The following SLC24A2 variants were observed in gnomAD, a reference collection of about 807,000 sequenced individuals.
SLC24A2 encodes the protein sodium/potassium/calcium exchanger 2.
In SLC24A2, 36 loss-of-function variants were observed where a neutral mutation model predicts 62.0. That is an observed-to-expected ratio of 0.58 (90% CI 0.44 to 0.77). The LOEUF is 0.77. SLC24A2 is among the 30% of genes least tolerant of loss of function. The pLI, the probability that SLC24A2 is intolerant of heterozygous loss-of-function variation, is 0.00. For missense variants in SLC24A2, 846 were observed against 817.9 expected (o/e 1.03, Z -0.42); for synonymous variants, 358 against 294.0 (o/e 1.22, Z -2.23).
intron 8 of SLC24A2, among the ~76,000 whole-genome samples, chr9:19,531,798 A>G (rs898904475): frequency 2.0e-5 from 3 of 148,574 alleles, no homozygotes; most frequent in African/African-American, 7.5e-5. Flanking sequence ...ATGTGACCTG[A>G]GACAAATTAT....
At chr9:20,255,328 A>T in the SLC24A2 span, among the ~76,000 whole-genome samples, 1 of 152,234 alleles carries the variant, frequency 6.6e-6, no homozygotes, top group Non-Finnish European at 1.5e-5. Flanking sequence ...GGCATTAAAC[A>T]GTGTAGTTTC....
At chr9:19,652,924 CTTCTCTTCCATCCT>C (rs1818841889) in intron 2 of SLC24A2, among the ~76,000 whole-genome samples, 1 of 15,392 alleles carries the variant, frequency 6.5e-5, no homozygotes, top group Admixed American at 8.0e-4. Context: ...TGAGACAAAC[CTTCTCTTCCATCCT>C]GTTTCAACCT....
intron 8 of SLC24A2, among the ~76,000 whole-genome samples, chr9:19,539,699 G>A (rs1305206117): frequency 2.3e-5 from 1 of 42,646 alleles, no homozygotes; most frequent in Admixed American, 2.8e-4. Context: ...GGGGTGGAGA[G>A]TTCTGTAGAT....
the SLC24A2 span, among the ~76,000 whole-genome samples, chr9:20,240,025 C>A: frequency 6.6e-6 from 1 of 152,016 alleles, no homozygotes; most frequent in Non-Finnish European, 1.5e-5. Context: ...AGAGACTAGG[C>A]TAAGCATTTC....
At chr9:19,765,501 A>G (rs1822486681) in intron 2 of SLC24A2, among the ~76,000 whole-genome samples, 1 of 152,182 alleles carries the variant, frequency 6.6e-6, no homozygotes, top group African/African-American at 2.4e-5. Flanking sequence ...GGTGGTGACA[A>G]AATCCCTCAG....
chr9:19,566,309 A>G (rs529372426), intron 7 of SLC24A2, among the ~76,000 whole-genome samples: 3 of 150,346 alleles, frequency 2.0e-5, no homozygotes, highest in African/African-American at 7.3e-5. Context: ...AAGGATATGA[A>G]CAGACACTTC....
chr9:20,166,251 C>G, the SLC24A2 span, among the ~76,000 whole-genome samples: 11 of 151,906 alleles, frequency 7.2e-5, no homozygotes, highest in Non-Finnish European at 1.5e-4. Context: ...GCAATCCCAA[C>G]TCTATAAATC....
the SLC24A2 span, among the ~76,000 whole-genome samples, chr9:19,920,832 G>A: frequency 1.3e-5 from 2 of 152,156 alleles, no homozygotes; most frequent in Non-Finnish European, 2.9e-5. Flanking sequence ...CCGGATGTGA[G>A]AGACAGAAGA....
the SLC24A2 span, among the ~76,000 whole-genome samples, chr9:20,106,694 T>C: frequency 1.5e-4 from 23 of 152,148 alleles, no homozygotes; most frequent in African/African-American, 5.6e-4. Flanking sequence ...TGATGGGACA[T>C]ATCTCAAAAT....
the SLC24A2 span, among the ~76,000 whole-genome samples, chr9:19,814,352 A>T: frequency 6.6e-6 from 1 of 152,112 alleles, no homozygotes; most frequent in Non-Finnish European, 1.5e-5. Flanking sequence ...TCATGGAAGG[A>T]TAGGGAGTGG....
chr9:20,133,119 G>C, the SLC24A2 span, among the ~76,000 whole-genome samples: 1 of 152,080 alleles, frequency 6.6e-6, no homozygotes, highest in East Asian at 1.9e-4. Flanking sequence ...AGCCTAAAAA[G>C]TAGGGCAGAG....
the SLC24A2 span, among the ~76,000 whole-genome samples, chr9:20,110,896 G>T: frequency 7.0e-3 from 1,069 of 152,260 alleles, 12 homozygotes; most frequent in South Asian, 0.026. Context: ...TCTCTCAAAT[G>T]AGGATCCATT....
the SLC24A2 span, among the ~76,000 whole-genome samples, chr9:20,140,039 A>G: frequency 2.0e-5 from 3 of 152,224 alleles, no homozygotes; most frequent in African/African-American, 7.2e-5. Context: ...TGGTAGCTAC[A>G]TGTGGAAATC....
chr9:19,804,079 T>G, the SLC24A2 span, among the ~76,000 whole-genome samples: 11 of 152,164 alleles, frequency 7.2e-5, no homozygotes, highest in African/African-American at 2.7e-4. Context: ...ATCGTTATTT[T>G]CAGTATTGTT....
At chr9:20,188,616 T>C in the SLC24A2 span, among the ~76,000 whole-genome samples, 2 of 152,210 alleles carry the variant, frequency 1.3e-5, no homozygotes. Flanking sequence ...GTGGGCTTGA[T>C]GTAGTCACAG....
chr9:19,975,184 C>A, the SLC24A2 span, among the ~76,000 whole-genome samples: 2,730 of 152,276 alleles, frequency 0.018, 76 homozygotes, highest in African/African-American at 0.06. Context: ...GATATTTAGG[C>A]TCCAGGTCTA....
chr9:19,998,083 T>G, the SLC24A2 span, among the ~76,000 whole-genome samples: 1 of 152,204 alleles, frequency 6.6e-6, no homozygotes, highest in African/African-American at 2.4e-5. Flanking sequence ...TAGCACTTAC[T>G]CTGTGCCGGA....
the SLC24A2 span, among the ~76,000 whole-genome samples, chr9:19,797,316 A>G: frequency 6.6e-6 from 1 of 152,084 alleles, no homozygotes; most frequent in African/African-American, 2.4e-5. Context: ...ACTGTAGCTT[A>G]TTGTGTATTT....
the SLC24A2 span, among the ~76,000 whole-genome samples, chr9:19,923,781 C>T: frequency 6.6e-6 from 1 of 152,130 alleles, no homozygotes; most frequent in African/African-American, 2.4e-5. Context: ...CAGAGTTGTT[C>T]TTGTTGCCCA....
Sources: gnomAD v4.1 joint callset for allele counts (sites outside exome capture counted in the v4.1 genomes callset) on GRCh38, gnomAD v4.1.1 for gene constraint, MANE v1.5 for transcripts, NCBI Gene and HGNC (gene_info 2026-07-23, HGNC 2026-07-21) for gene names.